The following CMAS variants were observed in gnomAD, a reference collection of about 807,000 sequenced individuals.
The protein encoded by CMAS is cytidine monophosphate N-acetylneuraminic acid synthetase, also known as N-acylneuraminate cytidylyltransferase.
In CMAS, 21 loss-of-function variants were observed where a neutral mutation model predicts 53.4. That is an observed-to-expected ratio of 0.39 (90% confidence interval 0.28 to 0.57). The LOEUF is 0.57. CMAS is among the 20% of genes least tolerant of loss of function. The pLI is 0.56. For missense variants in CMAS, 384 were observed against 534.9 expected (o/e 0.72, Z 2.78); for synonymous variants, 189 against 195.2 (o/e 0.97, Z 0.27).
intron 6 of CMAS, among the ~76,000 whole-genome samples, chr12:22,061,706 TG>T (rs1950309327): frequency 6.6e-6 from 1 of 152,182 alleles, no homozygotes; most frequent in South Asian, 2.1e-4. Flanking sequence ...AGCTATCTAA[TG>T]TTTCCCAAAG....
At chr12:22,049,473 A>G (rs962560845) in intron 1 of CMAS, among the ~76,000 whole-genome samples, 1 of 152,272 alleles carries the variant, frequency 6.6e-6, no homozygotes, top group East Asian at 1.9e-4. Flanking sequence ...AACTTCTTTT[A>G]AAAAAAGACT....
intron 5 of CMAS, 58 bp from the exon 6 acceptor site, chr12:22,061,223 T>G: frequency 3.3e-5 from 39 of 1,166,700 alleles, no homozygotes; most frequent in Non-Finnish European, 4.8e-5. Flanking sequence ...TTTAGCCAGA[T>G]GAGAGGGAGT....
At position 22,046,281 on chromosome 12, in the gene CMAS, T is replaced by G. The variant is rs1237318125; in HGVS notation, c.-23T>G. On this transcript the variant is annotated 5_prime_UTR_variant, in exon 1 of 8. Transcript: ENST00000229329. ...GACTAGCTCCCGGATGTGGAGAAGC[T>G]GGGGAGAAGGCGTGGGAGGAAGATG... 2 of 1,425,786 alleles carry G rather than the reference T, an allele frequency of 1.4e-6. No homozygotes were observed. Among genetic ancestry groups the G allele is most frequent in the South Asian group, 3.0e-5 (2 of 67,018 alleles). The allele number at this position is 1,425,786 out of a possible 1,614,324, so 88.3% of individuals were successfully genotyped here.
At chr12:22,056,661 C>T (rs1950270215) in intron 3 of CMAS, among the ~76,000 whole-genome samples, 1 of 152,290 alleles carries the variant, frequency 6.6e-6, no homozygotes. Context: ...GCTTCCCACC[C>T]AGTACACTCA....
chr12:22,055,581 A>G lies in CMAS; in HGVS notation c.530A>G (p.Gln177Arg), dbSNP rs1428420501. Residue 177 changes from glutamine (Q) to arginine (R), a missense_variant, in exon 3 of 8, where the codon CAG becomes CGG. Gln to Arg is a conservative substitution (Grantham distance 43). This residue lies in a region of CMAS where 139 missense variants were observed against 248.0 expected (regional missense o/e 0.56). Transcript: ENST00000229329. ...GTTTTCTCTGTTGTGAGACGCCATC[A>G]GTTTCGATGGAGTGAAATTCAGAAA... ...DSVFSVVRRH[Q>R]FRWSEIQKGV... 19 of 1,609,246 alleles carry G rather than the reference A, an allele frequency of 1.2e-5. No homozygotes were observed. The highest frequency in any genetic ancestry group is 2.2e-5 in the South Asian group (2 of 89,264).
chr12:22,060,196 T>A (rs747003721), intron 4 of CMAS, among the ~76,000 whole-genome samples: 3 of 151,992 alleles, frequency 2.0e-5, no homozygotes, highest in Non-Finnish European at 2.9e-5. Context: ...AAATCCCTTG[T>A]GGTCAGAAAC....
At chr12:22,055,326 A>G (rs1409628223) in intron 2 of CMAS, 35 bp downstream of exon 2, 6 of 1,524,546 alleles carry the variant, frequency 3.9e-6, no homozygotes, top group Non-Finnish European at 5.4e-6. Flanking sequence ...TCAAACCTTT[A>G]TGTACTTTTC....
chr12:22,053,835 C>G (rs1226227077), intron 1 of CMAS, among the ~76,000 whole-genome samples: 1 of 148,234 alleles, frequency 6.7e-6, no homozygotes, highest in Non-Finnish European at 1.5e-5. Flanking sequence ...GCCGAGATCG[C>G]GCCACTGCAC....
At chr12:22,063,707 G>A (rs777579329) in intron 7 of CMAS, 4 of 143,454 alleles carry the variant, frequency 2.8e-5, no homozygotes, top group Non-Finnish European at 4.5e-5. Context: ...CCACGAATAC[G>A]TATTACTTAT....
Position 22,065,435 on chromosome 12 carries a change from A to T in CMAS, c.*124A>T. 1 of 692,236 alleles carries T rather than the reference A, an allele frequency of 1.4e-6. No homozygotes were observed. Among genetic ancestry groups the T allele is most frequent in the Non-Finnish European group, 2.4e-6 (1 of 420,210 alleles). The allele number at this position is 692,236 out of a possible 1,614,324, so 42.9% of individuals were successfully genotyped here. ...GTGTGATTTGGTTTGTGATATATAT[A>T]TATTGTGCTCTACTTTTCTCTTTAC... On this transcript the variant is annotated 3_prime_UTR_variant, in exon 8 of 8. Transcript: ENST00000229329.
In CMAS at chr12:22,046,479, C is replaced by A; in HGVS notation, c.176C>A (p.Pro59His). 6.2e-7 allele frequency: 1 copy of A among 1,610,068 alleles called. No individual in the cohort carries two copies. Residue 59 changes from proline (P) to histidine (H), a missense_variant, in exon 1 of 8, where the codon CCC becomes CAC. This residue lies in a region of CMAS where 111 missense variants were observed against 132.2 expected (regional missense o/e 0.84). Transcript: ENST00000229329. ...ILARGGSKGI[P>H]LKNIKHLAGV... The stretch of plus-strand genomic sequence containing the variant: ...GCCCGGGGAGGCAGCAAAGGCATCC[C>A]CCTGAAGAACATTAAGCACCTGGCG...
At position 22,049,920 on chromosome 12, in the gene CMAS, AT is replaced by A. The variant is rs549091905; in HGVS notation, c.260+3365del. ...ACTCTGTCTCAAAAAAAAAAAAAAA[AT>A]TTTTTTTCTAAACTAGCAAAATGAA... is the stretch of plus-strand genomic sequence containing the variant. On this transcript the variant is annotated intron_variant, in intron 1 of 7. Transcript: ENST00000229329. Among the ~76,000 whole-genome samples, 389 of 101,282 alleles carry A rather than the reference AT, an allele frequency of 3.8e-3. 10 individuals are homozygous for A. In the East Asian group the frequency reaches 0.075, roughly 20 times the overall value. 66.4% of individuals were successfully genotyped at this position (101,282 alleles called of 152,430 possible). A position where few individuals can be genotyped will look rare whatever the true frequency, so the allele number is the denominator to read the frequency against.
At chr12:22,057,226 T>TACACACACACACAC (rs71053371) in intron 3 of CMAS, among the ~76,000 whole-genome samples, 71 of 133,928 alleles carry the variant, frequency 5.3e-4, no homozygotes, top group East Asian at 8.6e-4. Context: ...AACCAGCTAT[T>TACACACACACACAC]ACACACACAC....
chr12:22,056,994 TAG>T (rs1315916591), intron 3 of CMAS, among the ~76,000 whole-genome samples: 4 of 152,172 alleles, frequency 2.6e-5, no homozygotes, highest in Admixed American at 1.3e-4. Flanking sequence ...TTTTTGAGAA[TAG>T]AGAGAGTTCT....
chr12:22,059,919 C>A (rs1358401901), intron 4 of CMAS, among the ~76,000 whole-genome samples: 1 of 151,970 alleles, frequency 6.6e-6, no homozygotes, highest in Non-Finnish European at 1.5e-5. Context: ...GAAGAAAGAC[C>A]CTTTCTCTTG....
In CMAS at chr12:22,060,869, A is replaced by G. The variant is rs200982539; in HGVS notation, c.731A>G (p.His244Arg). The G allele has an allele frequency of 2.5e-6, 4 of 1,612,382 alleles. No homozygotes were observed. Among genetic ancestry groups the G allele is most frequent in the East Asian group, 2.2e-5 (1 of 44,742 alleles). ...KMAYYEMRAE[H>R]SVDIDVDIDW... ...GCATACTACGAAATGCGAGCTGAACATAGTGTGGATATAGATGTGGATATT... is the reference window on the plus strand; with the variant it reads ...GCATACTACGAAATGCGAGCTGAACGTAGTGTGGATATAGATGTGGATATT... Residue 244 changes from histidine (H) to arginine (R), a missense_variant, in exon 5 of 8, where the codon CAT becomes CGT. Around this residue, in one of 3 missense-constraint regions of CMAS, gnomAD observed 139 missense variants for 248.0 expected, o/e 0.56. Coordinates refer to ENST00000229329, the MANE Select transcript of CMAS (RefSeq NM_018686.6).
chr12:22,057,726 G>A (rs1950277176), intron 3 of CMAS, among the ~76,000 whole-genome samples: 1 of 151,848 alleles, frequency 6.6e-6, no homozygotes, highest in African/African-American at 2.4e-5. Context: ...TACCTTAATT[G>A]TTCCACATTT....
intron 7 of CMAS, chr12:22,063,683 A>G (rs1950324003): frequency 6.6e-6 from 1 of 150,914 alleles, no homozygotes; most frequent in South Asian, 2.1e-4. Context: ...CTATTTTTTA[A>G]AAAAATATTT....
At chr12:22,061,894 C>T (rs1412677338) in intron 6 of CMAS, among the ~76,000 whole-genome samples, 1 of 151,792 alleles carries the variant, frequency 6.6e-6, no homozygotes, top group Non-Finnish European at 1.5e-5. Context: ...TATAATTTAC[C>T]AGAAATCCTA....
Sources: gnomAD v4.1 joint callset for allele counts (sites outside exome capture counted in the v4.1 genomes callset) on GRCh38, gnomAD v4.1.1 for gene constraint, gnomAD v4.1.1 regional missense constraint, MANE v1.5 for transcripts, NCBI Gene and HGNC (gene_info 2026-07-23, HGNC 2026-07-21) for gene names.